The following TIMM13 variants were observed in gnomAD, a reference collection of about 807,000 sequenced individuals.
TIMM13 encodes the protein mitochondrial import inner membrane translocase subunit Tim13.
TIMM13 carries 8 observed loss-of-function variants against 10.9 expected under a neutral mutation model. The observed-to-expected ratio is 0.73, with a 90% CI of 0.43 to 1.32. TIMM13 has a LOEUF of 1.32. Among genes scored for constraint, TIMM13 ranks in the 40% most tolerant of loss-of-function variants. The pLI is 0.01. For synonymous variants in TIMM13, 68 were observed against 52.5 expected (o/e 1.30, Z -1.28); for missense variants, 147 against 132.8 (o/e 1.11, Z -0.53).
In TIMM13 at chr19:2,427,572, G is replaced by A. The variant is rs772025099; in HGVS notation, c.-39C>T. The A allele has an allele frequency of 1.3e-6, 2 of 1,561,426 alleles. No homozygotes were observed. The highest frequency in any genetic ancestry group is 1.2e-5 in the South Asian group (1 of 86,454). The stretch of plus-strand genomic sequence containing the variant: ...CAACCGGACCGAGGCCGCGTGCGCC[G>A]ACTCGTAACTAACTGCGCCGGAAGC... On this transcript the variant is annotated 5_prime_UTR_variant, in exon 1 of 3. Coordinates refer to ENST00000215570, the MANE Select transcript of TIMM13 (RefSeq NM_012458.4).
At position 2,427,563 on chromosome 19, in the gene TIMM13, G is replaced by A. The variant is rs375791178; in HGVS notation, c.-30C>T. On this transcript the variant is annotated 5_prime_UTR_variant, in exon 1 of 3. Coordinates refer to ENST00000215570, the MANE Select transcript of TIMM13 (RefSeq NM_012458.4). Reference sequence around the variant, plus strand: ...CCGCAAAGTCAACCGGACCGAGGCCGCGTGCGCCGACTCGTAACTAACTGC... The same window carrying A: ...CCGCAAAGTCAACCGGACCGAGGCCACGTGCGCCGACTCGTAACTAACTGC... The A allele has an allele frequency of 2.8e-4, 446 of 1,570,326 alleles. No homozygotes were observed. Among genetic ancestry groups the A allele is most frequent in the Non-Finnish European group, 3.8e-4 (440 of 1,159,690 alleles).
rs1344329402 is a variant in TIMM13 at position 2,425,828 on chromosome 19, G to A, written c.*1120C>T. ...CCAGATAGTGAAAATGCGGCTCCCA[G>A]GGGAAGTCACTAGGGTCACTCCTAG... On this transcript the variant is annotated 3_prime_UTR_variant, in exon 3 of 3. Coordinates refer to ENST00000215570, the MANE Select transcript of TIMM13 (RefSeq NM_012458.4). 4 of 1,444,932 alleles carry A rather than the reference G, an allele frequency of 2.8e-6. No homozygotes were observed. The highest frequency in any genetic ancestry group is 2.5e-5 in the Admixed American group (1 of 40,668). The allele number at this position is 1,444,932 out of a possible 1,614,324, so 89.5% of individuals were successfully genotyped here. A position where few individuals can be genotyped will look rare whatever the true frequency, so the allele number is the denominator to read the frequency against.
rs549302056 is a variant in TIMM13 at position 2,426,943 on chromosome 19, GC to G, written c.*4del. On this transcript the variant is annotated 3_prime_UTR_variant, in exon 3 of 3. Coordinates refer to ENST00000215570, the MANE Select transcript of TIMM13 (RefSeq NM_012458.4). ...GAACAGGGTGGGGTGGCCCGCGCTC[GC>G]CGGTCACATGTTGGCTCGTTCCCGC... 4.0e-4 allele frequency: 637 copies of G among 1,581,190 alleles called. 2 individuals carry two copies. The African/African-American group carries it at 8.0e-3, about 20-fold the overall frequency.
chr19:2,426,230 T>C lies in TIMM13; in HGVS notation c.*718A>G. On this transcript the variant is annotated 3_prime_UTR_variant, in exon 3 of 3. Transcript: ENST00000215570. ...ATGGGGATGCATTTTGGTACCACCC[T>C]TTGTTCCAATAAACACAGCCCCTCC... 1 of 927,166 alleles carries C rather than the reference T, an allele frequency of 1.1e-6. No homozygotes were observed. Among genetic ancestry groups the C allele is most frequent in the South Asian group, 1.8e-5 (1 of 56,214 alleles). 57.4% of individuals were successfully genotyped at this position (927,166 alleles called of 1,614,324 possible).
rs536034450 is a variant in TIMM13 at position 2,426,772 on chromosome 19, T to G, written c.*176A>C. On this transcript the variant is annotated 3_prime_UTR_variant, in exon 3 of 3. Transcript: ENST00000215570. ...GGCACAGGGCCCCACACCCCCGAGATCCAAGCTGCACTGGCTGGCAGGGGG... is the reference window on the plus strand; with the variant it reads ...GGCACAGGGCCCCACACCCCCGAGAGCCAAGCTGCACTGGCTGGCAGGGGG... 2 of 676,584 alleles carry G rather than the reference T, an allele frequency of 3.0e-6. No individual in the cohort carries two copies. The highest frequency in any genetic ancestry group is 3.6e-5 in the African/African-American group (2 of 56,054). The allele number at this position is 676,584 out of a possible 1,614,324, so 41.9% of individuals were successfully genotyped here.
Position 2,426,193 on chromosome 19 carries a change from G to A in TIMM13, c.*755C>T, listed in dbSNP as rs1368257117. 3.4e-6 allele frequency: 3 copies of A among 880,394 alleles called. No homozygotes were observed. Among genetic ancestry groups the A allele is most frequent in the Admixed American group, 4.1e-5 (1 of 24,466 alleles). The allele number at this position is 880,394 out of a possible 1,614,324, so 54.5% of individuals were successfully genotyped here. On this transcript the variant is annotated 3_prime_UTR_variant, in exon 3 of 3. Transcript: ENST00000215570. ...ACCCTACCCAAGGACGGGTGTGGGGGGGCTGTGGGTCATGGGGATGCATTT... is the reference window on the plus strand; with the variant it reads ...ACCCTACCCAAGGACGGGTGTGGGGAGGCTGTGGGTCATGGGGATGCATTT...
chr19:2,425,770 A>T lies in TIMM13; in HGVS notation c.*1178T>A. 8.1e-7 allele frequency: 1 copy of T among 1,241,204 alleles called. No individual in the cohort carries two copies. Among genetic ancestry groups the T allele is most frequent in the South Asian group, 1.6e-5 (1 of 62,060 alleles). The allele number at this position is 1,241,204 out of a possible 1,614,324, so 76.9% of individuals were successfully genotyped here. On this transcript the variant is annotated 3_prime_UTR_variant, in exon 3 of 3. Transcript: ENST00000215570. ...CCGGGACCACGTGGCGGGTGTCCAT[A>T]AATGTCTGCCACCTTTGCATTGAGC...
In TIMM13 at chr19:2,426,190, G is replaced by T; in HGVS notation, c.*758C>A. ...CGTACCCTACCCAAGGACGGGTGTGGGGGGGCTGTGGGTCATGGGGATGCA... is the reference window on the plus strand; with the variant it reads ...CGTACCCTACCCAAGGACGGGTGTGTGGGGGCTGTGGGTCATGGGGATGCA... On this transcript the variant is annotated 3_prime_UTR_variant, in exon 3 of 3. Transcript: ENST00000215570. 1.1e-6 allele frequency: 1 copy of T among 905,012 alleles called. No individual in the cohort carries two copies. Among genetic ancestry groups the T allele is most frequent in the South Asian group, 2.1e-5 (1 of 48,562 alleles). The allele number at this position is 905,012 out of a possible 1,614,324, so 56.1% of individuals were successfully genotyped here.
chr19:2,426,755 GCC>G lies in TIMM13; in HGVS notation c.*191_*192del. Reference sequence around the variant, plus strand: ...TGCCAGCACTTCAGGAAGGCACAGGGCCCCACACCCCCGAGATCCAAGCTGCA... The same window carrying G: ...TGCCAGCACTTCAGGAAGGCACAGGGCCACACCCCCGAGATCCAAGCTGCA... On this transcript the variant is annotated 3_prime_UTR_variant, in exon 3 of 3. Transcript: ENST00000215570. 3.1e-6 allele frequency: 2 copies of G among 640,852 alleles called. No individual in the cohort carries two copies. The highest frequency in any genetic ancestry group is 5.5e-6 in the Non-Finnish European group (2 of 361,252). The allele number at this position is 640,852 out of a possible 1,614,324, so 39.7% of individuals were successfully genotyped here. A position where few individuals can be genotyped will look rare whatever the true frequency, so the allele number is the denominator to read the frequency against.
rs1228645978 is a variant in TIMM13, at chr19:2,427,501, G to A, written c.33C>T (p.Gly11=). The change falls in exon 1 of 3, where the codon GGC becomes GGT. Residue 11 remains glycine, a synonymous_variant. Transcript: ENST00000215570. MEGGFGSDFG[G]SGSGKLDPGL... ...CTGGGTCCAGCTTCCCGCTGCCGGA[G>A]CCCCCGAAATCGGAGCCGAAGCCGC... 2.5e-6 allele frequency: 4 copies of A among 1,610,846 alleles called. No homozygotes were observed. The highest frequency in any genetic ancestry group is 2.7e-5 in the African/African-American group (2 of 74,864).
rs1220310265 is a variant in TIMM13, at chr19:2,426,060, G to A, written c.*888C>T. On this transcript the variant is annotated 3_prime_UTR_variant, in exon 3 of 3. Coordinates refer to ENST00000215570, the MANE Select transcript of TIMM13 (RefSeq NM_012458.4). ...TATACCCGGGTGGCAGCTGTGAGAG[G>A]CTGGATAGGACAGCACATCCAGGAG... 2 of 1,609,454 alleles carry A rather than the reference G, an allele frequency of 1.2e-6. No homozygotes were observed. Among genetic ancestry groups the A allele is most frequent in the African/African-American group, 1.3e-5 (1 of 74,718 alleles).
chr19:2,425,832 A>T lies in TIMM13; in HGVS notation c.*1116T>A. 2 of 1,447,014 alleles carry T rather than the reference A, an allele frequency of 1.4e-6. No individual in the cohort carries two copies. Among genetic ancestry groups the T allele is most frequent in the Non-Finnish European group, 1.8e-6 (2 of 1,096,992 alleles). 89.6% of individuals were successfully genotyped at this position (1,447,014 alleles called of 1,614,324 possible). ...ATAGTGAAAATGCGGCTCCCAGGGG[A>T]AGTCACTAGGGTCACTCCTAGAGGG... On this transcript the variant is annotated 3_prime_UTR_variant, in exon 3 of 3. Coordinates refer to ENST00000215570, the MANE Select transcript of TIMM13 (RefSeq NM_012458.4).
chr19:2,426,510 G>A lies in TIMM13; in HGVS notation c.*438C>T. 3.5e-6 allele frequency: 1 copy of A among 282,330 alleles called. No individual in the cohort carries two copies. The highest frequency in any genetic ancestry group is 6.7e-6 in the Non-Finnish European group (1 of 148,162). The allele number at this position is 282,330 out of a possible 1,614,324, so 17.5% of individuals were successfully genotyped here. A position where few individuals can be genotyped will look rare whatever the true frequency, so the allele number is the denominator to read the frequency against. On this transcript the variant is annotated 3_prime_UTR_variant, in exon 3 of 3. Transcript: ENST00000215570. ...AGACCCTCCGAGCTGGGGTTCCAGGGACACGCGTCACCTCTTCCCAGAGAC... is the reference window on the plus strand; with the variant it reads ...AGACCCTCCGAGCTGGGGTTCCAGGAACACGCGTCACCTCTTCCCAGAGAC...
Position 2,426,745 on chromosome 19 carries a change from A to C in TIMM13, c.*203T>G, listed in dbSNP as rs146103645. ...GCCACTGGGCTGCCAGCACTTCAGGAAGGCACAGGGCCCCACACCCCCGAG... is the reference window on the plus strand; with the variant it reads ...GCCACTGGGCTGCCAGCACTTCAGGCAGGCACAGGGCCCCACACCCCCGAG... On this transcript the variant is annotated 3_prime_UTR_variant, in exon 3 of 3. Transcript: ENST00000215570. The C allele has an allele frequency of 1.9e-4, 116 of 616,560 alleles. No individual in the cohort carries two copies. The highest frequency in any genetic ancestry group is 1.8e-3 in the African/African-American group (99 of 54,538). 38.2% of individuals were successfully genotyped at this position (616,560 alleles called of 1,614,324 possible).
chr19:2,427,090 GC>G, intron 2 of TIMM13, 44 bp from the exon 3 acceptor site: 1 of 1,595,722 alleles, frequency 6.3e-7, no homozygotes, highest in Non-Finnish European at 8.5e-7. Flanking sequence ...GGACTTCGCG[GC>G]CCCGGGGACC....
At position 2,426,916 on chromosome 19, in the gene TIMM13, A is replaced by G; in HGVS notation, c.*32T>C. 6.4e-7 allele frequency: 1 copy of G among 1,555,634 alleles called. No homozygotes were observed. Among genetic ancestry groups the G allele is most frequent in the South Asian group, 1.2e-5 (1 of 85,136 alleles). ...CGCCTCTCAAAGCACGTTTATGGAA[A>G]TGAACAGGGTGGGGTGGCCCGCGCT... On this transcript the variant is annotated 3_prime_UTR_variant, in exon 3 of 3. Coordinates refer to ENST00000215570, the MANE Select transcript of TIMM13 (RefSeq NM_012458.4).
At position 2,427,547 on chromosome 19, in the gene TIMM13, C is replaced by T; in HGVS notation, c.-14G>A. ...GCCGCCCTCCATGGCTCCGCAAAGT[C>T]AACCGGACCGAGGCCGCGTGCGCCG... On this transcript the variant is annotated 5_prime_UTR_variant, in exon 1 of 3. Transcript: ENST00000215570. 1 of 1,592,062 alleles carries T rather than the reference C, an allele frequency of 6.3e-7. No homozygotes were observed. The highest frequency in any genetic ancestry group is 8.5e-7 in the Non-Finnish European group (1 of 1,170,412).
Position 2,426,034 on chromosome 19 carries a change from C to T in TIMM13, c.*914G>A, listed in dbSNP as rs1247963881. ...GTGGCCGGCCCCACTTCCCAGGTGT[C>T]TATACCCGGGTGGCAGCTGTGAGAG... On this transcript the variant is annotated 3_prime_UTR_variant, in exon 3 of 3. Coordinates refer to ENST00000215570, the MANE Select transcript of TIMM13 (RefSeq NM_012458.4). The T allele has an allele frequency of 2.5e-6, 4 of 1,609,242 alleles. No homozygotes were observed. The highest frequency in any genetic ancestry group is 3.4e-6 in the Non-Finnish European group (4 of 1,178,426).
At position 2,426,524 on chromosome 19, in the gene TIMM13, C is replaced by T. The variant is rs116645038; in HGVS notation, c.*424G>A. On this transcript the variant is annotated 3_prime_UTR_variant, in exon 3 of 3. Transcript: ENST00000215570. ...GGGGTTCCAGGGACACGCGTCACCT[C>T]TTCCCAGAGACCCCTCAGGAGGGAA... 2,017 of 293,124 alleles carry T rather than the reference C, an allele frequency of 6.9e-3. 44 individuals carry two copies. Among genetic ancestry groups the T allele is most frequent in the African/African-American group, 0.042 (1,882 of 44,946 alleles). The allele number at this position is 293,124 out of a possible 1,614,324, so 18.2% of individuals were successfully genotyped here.
Sources: gnomAD v4.1 joint callset for allele counts on GRCh38, gnomAD v4.1.1 for gene constraint, MANE v1.5 for transcripts, NCBI Gene and HGNC (gene_info 2026-07-23, HGNC 2026-07-21) for gene names.